OR14J1: variants seen among roughly 807,000 people sequenced by gnomAD.
OR14J1 encodes olfactory receptor family 14 subfamily J member 1.
For missense variants in OR14J1, 378 were observed against 393.4 expected (o/e 0.96, Z 0.33); for synonymous variants, 140 against 146.7 (o/e 0.95, Z 0.33).
chr6:29,306,470 C>T (rs1017075206), intron 1 of OR14J1, among the ~76,000 whole-genome samples, 192 bp from the exon 2 acceptor site: 1 of 152,202 alleles, frequency 6.6e-6, no homozygotes, highest in Non-Finnish European at 1.5e-5. Context: ...ATGTTTATGA[C>T]TTGTTGATCA....
chr6:29,312,468 T>A lies in OR14J1; in HGVS notation c.*4813T>A. On this transcript the variant is annotated 3_prime_UTR_variant, in exon 2 of 2. Transcript: ENST00000641895. Reference sequence around the variant, plus strand: ...TGGCTCAGTCCCTCATGGCTTCCCTTGGCTAGGGGAGGGAGTTGTCTGACC... The same window carrying A: ...TGGCTCAGTCCCTCATGGCTTCCCTAGGCTAGGGGAGGGAGTTGTCTGACC... 6.0e-6 allele frequency: 1 copy of A among 166,340 alleles called. No individual in the cohort carries two copies. The highest frequency in any genetic ancestry group is 1.3e-5 in the Non-Finnish European group (1 of 79,602). The allele number at this position is 166,340 out of a possible 1,614,324, so 10.3% of individuals were successfully genotyped here.
intron 1 of OR14J1, among the ~76,000 whole-genome samples, chr6:29,306,025 T>C (rs1775060161): frequency 6.6e-6 from 1 of 152,220 alleles, no homozygotes; most frequent in African/African-American, 2.4e-5. Flanking sequence ...AGTTGCAAGA[T>C]CTCCAAAGCT....
Position 29,311,773 on chromosome 6 carries a change from T to C in OR14J1, c.*4118T>C, listed in dbSNP as rs1315336521. 1 of 152,244 alleles carries C rather than the reference T, an allele frequency of 6.6e-6. No homozygotes were observed. The highest frequency in any genetic ancestry group is 2.4e-5 in the African/African-American group (1 of 41,468). The allele number at this position is 152,244 out of a possible 1,614,324, so 9.4% of individuals were successfully genotyped here. ...TCTTGGTTGGTAGGCTATTAACTAC[T>C]ACCTCCATTTCAGAACATGTTATTG... On this transcript the variant is annotated 3_prime_UTR_variant, in exon 2 of 2. Transcript: ENST00000641895.
rs921788470 is a variant in OR14J1, at chr6:29,311,542, G to A, written c.*3887G>A. The A allele has an allele frequency of 1.3e-5, 2 of 152,228 alleles. No individual in the cohort carries two copies. The highest frequency in any genetic ancestry group is 4.8e-5 in the African/African-American group (2 of 41,458). The allele number at this position is 152,228 out of a possible 1,614,324, so 9.4% of individuals were successfully genotyped here. A position where few individuals can be genotyped will look rare whatever the true frequency, so the allele number is the denominator to read the frequency against. ...TTTTATTGAGGATTTTCACATCAAT[G>A]TTCATCAGGGATATTGGCCTGAAAT... On this transcript the variant is annotated 3_prime_UTR_variant, in exon 2 of 2. Transcript: ENST00000641895.
In OR14J1 at chr6:29,306,641, T is replaced by A. The variant is rs375374399; in HGVS notation, c.-28-21T>A. 48 of 1,174,078 alleles carry A rather than the reference T, an allele frequency of 4.1e-5. No homozygotes were observed. In the East Asian group the frequency reaches 9.1e-4, roughly 22 times the overall value. The allele number at this position is 1,174,078 out of a possible 1,614,324, so 72.7% of individuals were successfully genotyped here. A position where few individuals can be genotyped will look rare whatever the true frequency, so the allele number is the denominator to read the frequency against. On this transcript the variant is annotated intron_variant, in intron 1 of 1. Coordinates refer to ENST00000641895, the MANE Select transcript of OR14J1 (RefSeq NM_030946.2). ...TAGATGTCATGCATTTTCTTCCTAC[T>A]GTCTTTGGCTTCCTAAACAGAGTCA...
In OR14J1 at chr6:29,309,034, C is replaced by T. The variant is rs1429639041; in HGVS notation, c.*1379C>T. The T allele has an allele frequency of 1.3e-5, 2 of 152,140 alleles. No homozygotes were observed. The highest frequency in any genetic ancestry group is 2.9e-5 in the Non-Finnish European group (2 of 68,042). 9.4% of individuals were successfully genotyped at this position (152,140 alleles called of 1,614,324 possible). A position where few individuals can be genotyped will look rare whatever the true frequency, so the allele number is the denominator to read the frequency against. ...GCTATCCCTCCCTTACCCCCTCACC[C>T]CCAAACAGGCCCCAGTGTGTGATGT... is the stretch of plus-strand genomic sequence containing the variant. On this transcript the variant is annotated 3_prime_UTR_variant, in exon 2 of 2. Coordinates refer to ENST00000641895, the MANE Select transcript of OR14J1 (RefSeq NM_030946.2).
intron 1 of OR14J1, among the ~76,000 whole-genome samples, chr6:29,303,538 C>T (rs2151188399): frequency 6.6e-6 from 1 of 152,284 alleles, no homozygotes; most frequent in Non-Finnish European, 1.5e-5. Context: ...TAACATGGTT[C>T]AAGAATTGAA....
intron 1 of OR14J1, among the ~76,000 whole-genome samples, chr6:29,306,033 G>T (rs1373196438): frequency 6.6e-6 from 1 of 152,162 alleles, no homozygotes; most frequent in African/African-American, 2.4e-5. Context: ...GATCTCCAAA[G>T]CTCAGGATTC....
chr6:29,307,341 C>A lies in OR14J1; in HGVS notation c.652C>A (p.Arg218Ser). 1 of 1,613,092 alleles carries A rather than the reference C, an allele frequency of 6.2e-7. No individual in the cohort carries two copies. The highest frequency in any genetic ancestry group is 8.5e-7 in the Non-Finnish European group (1 of 1,180,036). Residue 218 changes from arginine (R) to serine (S), a missense_variant, in exon 2 of 2, where the codon CGC becomes AGC. By Grantham distance (110) the Arg-to-Ser change is moderately radical. Transcript: ENST00000641895. ...CLISIVLSYIRIFSTVLRIPS... is the reference protein window; with the variant it reads ...CLISIVLSYISIFSTVLRIPS... Reference sequence around the variant, plus strand: ...GATCTCCATTGTGCTCTCCTACATTCGCATCTTCTCTACAGTGCTGAGAAT... The same window carrying A: ...GATCTCCATTGTGCTCTCCTACATTAGCATCTTCTCTACAGTGCTGAGAAT...
Position 29,307,001 on chromosome 6 carries a change from TCTGGC to T in OR14J1, c.315_319del (p.Ala106IlefsTer12). On this transcript the variant is annotated frameshift_variant, in exon 2 of 2. Coordinates refer to ENST00000641895, the MANE Select transcript of OR14J1 (RefSeq NM_030946.2). LOFTEE classifies it low-confidence loss of function (END_TRUNC). ...TTCTTCAGGTTTTCTTCTTCATAGC[TCTGGC>T]CTCATCAGAAGTGGCCATTCTCACA... is the stretch of plus-strand genomic sequence containing the variant. The T allele has an allele frequency of 6.2e-7, 1 of 1,613,098 alleles. No individual in the cohort carries two copies. The highest frequency in any genetic ancestry group is 8.5e-7 in the Non-Finnish European group (1 of 1,180,032).
At chr6:29,302,476 G>A (rs1442046109) in intron 1 of OR14J1, among the ~76,000 whole-genome samples, 2 of 152,076 alleles carry the variant, frequency 1.3e-5, no homozygotes, top group Admixed American at 1.3e-4. Flanking sequence ...ACCGTGCTCA[G>A]CCATGAGGGG....
chr6:29,307,488 A>G lies in OR14J1; in HGVS notation c.799A>G (p.Thr267Ala). The G allele has an allele frequency of 6.2e-7, 1 of 1,612,942 alleles. No homozygotes were observed. The highest frequency in any genetic ancestry group is 1.1e-5 in the South Asian group (1 of 91,066). ...FLRLPSDSSS[T>A]VDLVFSVFYT... The stretch of plus-strand genomic sequence containing the variant: ...CAGACTGCCTTCTGATTCCTCATCG[A>G]CTGTGGACCTTGTATTCTCCGTATT... The change falls in exon 2 of 2, where the codon ACT (threonine) becomes GCT (alanine). Residue 267 changes from threonine (T) to alanine (A), a missense_variant. Thr to Ala is a moderately conservative substitution (Grantham distance 58). Transcript: ENST00000641895.
chr6:29,307,491 G>A lies in OR14J1; in HGVS notation c.802G>A (p.Val268Met). ...ACTGCCTTCTGATTCCTCATCGACTGTGGACCTTGTATTCTCCGTATTCTA... is the reference window on the plus strand; with the variant it reads ...ACTGCCTTCTGATTCCTCATCGACTATGGACCTTGTATTCTCCGTATTCTA... The part of the protein sequence containing the change: ...LRLPSDSSST[V>M]DLVFSVFYTV... Residue 268 changes from valine to methionine, a missense_variant, in exon 2 of 2, where the codon GTG becomes ATG. Coordinates refer to ENST00000641895, the MANE Select transcript of OR14J1 (RefSeq NM_030946.2). 1 of 1,612,998 alleles carries A rather than the reference G, an allele frequency of 6.2e-7. No individual in the cohort carries two copies. Among genetic ancestry groups the A allele is most frequent in the Non-Finnish European group, 8.5e-7 (1 of 1,180,016 alleles).
intron 1 of OR14J1, among the ~76,000 whole-genome samples, chr6:29,306,016 G>A (rs9393953): frequency 6.6e-6 from 1 of 152,132 alleles, no homozygotes; most frequent in Non-Finnish European, 1.5e-5. Flanking sequence ...TTGTCACTTA[G>A]TTGCAAGATC....
Position 29,306,913 on chromosome 6 carries a change from C to T in OR14J1, c.224C>T (p.Thr75Ile), listed in dbSNP as rs1775131765. ...CTGGACCTCTGCTTCATCTCTGTCA[C>T]AGTCCCCCAGTCCATTGCAAATTCA... ...SLLDLCFISV[T>I]VPQSIANSLM... The change falls in exon 2 of 2, where the codon ACA becomes ATA. Residue 75 changes from threonine (T) to isoleucine (I), a missense_variant. By Grantham distance (89) the Thr-to-Ile change is moderately conservative. Coordinates refer to ENST00000641895, the MANE Select transcript of OR14J1 (RefSeq NM_030946.2). 6.2e-7 allele frequency: 1 copy of T among 1,612,994 alleles called. No homozygotes were observed.
Position 29,307,259 on chromosome 6 carries a change from A to G in OR14J1, c.570A>G (p.Glu190=). ...TGCTGAAACTAGCCTGTTCTTATGA[A>G]TTCATTAATGAGATTGCACTGGCTG... The part of the protein sequence containing the change: ...PQMLKLACSY[E]FINEIALAAF... Residue 190 remains glutamate (E), a synonymous_variant, in exon 2 of 2, where the codon GAA becomes GAG. Coordinates refer to ENST00000641895, the MANE Select transcript of OR14J1 (RefSeq NM_030946.2). 1.2e-6 allele frequency: 2 copies of G among 1,612,952 alleles called. No homozygotes were observed. The highest frequency in any genetic ancestry group is 1.7e-6 in the Non-Finnish European group (2 of 1,180,010).
At chr6:29,305,226 G>C (rs1454358296) in intron 1 of OR14J1, among the ~76,000 whole-genome samples, 1 of 152,166 alleles carries the variant, frequency 6.6e-6, no homozygotes, top group Non-Finnish European at 1.5e-5. Context: ...GTTTCAGTCA[G>C]TTCTCAAAAT....
intron 1 of OR14J1, among the ~76,000 whole-genome samples, chr6:29,303,445 AAG>A (rs5875191): frequency 0.11 from 16,131 of 151,894 alleles, 965 homozygotes; most frequent in South Asian, 0.15. Context: ...ACAAAATAGA[AAG>A]AGTGCATTGA....
chr6:29,307,303 C>T lies in OR14J1; in HGVS notation c.614C>T (p.Ala205Val), dbSNP rs1467329612. 2.5e-6 allele frequency: 4 copies of T among 1,612,924 alleles called. No homozygotes were observed. The highest frequency in any genetic ancestry group is 3.3e-4 in the Middle Eastern group (2 of 6,084). The change falls in exon 2 of 2, where the codon GCA becomes GTA. Residue 205 changes from alanine to valine, a missense_variant. Transcript: ENST00000641895. ...CTGGCTGCATTCACAACGTCTGCAG[C>T]ATTTATCTGTTTGATCTCCATTGTG... is the stretch of plus-strand genomic sequence containing the variant. Reference protein sequence around the residue: ...IALAAFTTSAAFICLISIVLS... With the variant: ...IALAAFTTSAVFICLISIVLS...
Sources: gnomAD v4.1 joint callset for allele counts (sites outside exome capture counted in the v4.1 genomes callset) on GRCh38, gnomAD v4.1.1 for gene constraint, MANE v1.5 for transcripts, NCBI Gene and HGNC (gene_info 2026-07-23, HGNC 2026-07-21) for gene names.